The following ENTREP2 variants were observed in gnomAD, a reference collection of about 807,000 sequenced individuals.
ENTREP2 encodes protein ENTREP2.
At chr15:29,649,232 A>C in the ENTREP2 span, among the ~76,000 whole-genome samples, 1 of 152,220 alleles carries the variant, frequency 6.6e-6, no homozygotes, top group Non-Finnish European at 1.5e-5. Context: ...GAGGCATACA[A>C]TTAAAAGTTA....
At chr15:29,352,541 C>T in the ENTREP2 span, among the ~76,000 whole-genome samples, 140 of 152,272 alleles carry the variant, frequency 9.2e-4, no homozygotes, top group African/African-American at 2.9e-3. Flanking sequence ...CGGCTGCCTC[C>T]ACTCTTTCTT....
chr15:29,255,888 C>G, the ENTREP2 span, among the ~76,000 whole-genome samples: 26 of 151,836 alleles, frequency 1.7e-4, no homozygotes, highest in African/African-American at 6.3e-4. Context: ...GTAGTACCAG[C>G]TACTCGGGAT....
At chr15:29,485,245 T>G in the ENTREP2 span, among the ~76,000 whole-genome samples, 1 of 152,126 alleles carries the variant, frequency 6.6e-6, no homozygotes, top group Non-Finnish European at 1.5e-5. Flanking sequence ...AGGAAGGCCC[T>G]GTGGTGTTTT....
chr15:29,601,208 T>C, the ENTREP2 span, among the ~76,000 whole-genome samples: 1 of 150,436 alleles, frequency 6.6e-6, no homozygotes, highest in East Asian at 1.9e-4. Context: ...GATTTTTCAA[T>C]GATACGTTCT....
At chr15:29,314,974 C>T in the ENTREP2 span, among the ~76,000 whole-genome samples, 4 of 152,142 alleles carry the variant, frequency 2.6e-5, no homozygotes, top group Admixed American at 6.6e-5. Context: ...ATTGTTTGAG[C>T]CTGGCAGGCG....
chr15:29,443,068 A>G, the ENTREP2 span, among the ~76,000 whole-genome samples: 1 of 152,204 alleles, frequency 6.6e-6, no homozygotes, highest in Non-Finnish European at 1.5e-5. Flanking sequence ...GCTGAGATAC[A>G]GTGCAGATTT....
At chr15:29,314,220 C>G in the ENTREP2 span, among the ~76,000 whole-genome samples, 33,153 of 152,160 alleles carry the variant, frequency 0.22, 6,800 homozygotes, top group African/African-American at 0.55. Context: ...AAACTTAGTT[C>G]ATAAAGCAGC....
the ENTREP2 span, among the ~76,000 whole-genome samples, chr15:29,237,663 G>A: frequency 6.6e-6 from 1 of 152,130 alleles, no homozygotes; most frequent in South Asian, 2.1e-4. Context: ...GAAAAGAAAC[G>A]TTGGCAAGGA....
the ENTREP2 span, among the ~76,000 whole-genome samples, chr15:29,584,931 A>G: frequency 6.6e-6 from 1 of 152,204 alleles, no homozygotes; most frequent in South Asian, 2.1e-4. Flanking sequence ...TCTTAAATAT[A>G]TACAATTTTG....
the ENTREP2 span, among the ~76,000 whole-genome samples, chr15:29,451,096 A>T: frequency 6.6e-6 from 1 of 152,180 alleles, no homozygotes; most frequent in Non-Finnish European, 1.5e-5. Context: ...CTGAACCTAA[A>T]ATAAAGGTTA....
chr15:29,284,098 A>G, the ENTREP2 span, among the ~76,000 whole-genome samples: 2 of 152,168 alleles, frequency 1.3e-5, no homozygotes, highest in South Asian at 2.1e-4. Flanking sequence ...AGTATGAGAG[A>G]ATAAAAAAAG....
At chr15:29,219,652 T>C in the ENTREP2 span, among the ~76,000 whole-genome samples, 1 of 80,556 alleles carries the variant, frequency 1.2e-5, no homozygotes, top group Admixed American at 1.4e-4. Context: ...TATATATATA[T>C]ATATATATAT....
chr15:29,207,001 T>C, the ENTREP2 span, among the ~76,000 whole-genome samples: 1 of 152,164 alleles, frequency 6.6e-6, no homozygotes, highest in Non-Finnish European at 1.5e-5. Context: ...AACATAGACA[T>C]GCTCCGTAGG....
the ENTREP2 span, among the ~76,000 whole-genome samples, chr15:29,332,975 A>AG: frequency 6.6e-6 from 1 of 151,988 alleles, no homozygotes. Context: ...AAAAAAAAAA[A>AG]AAACCCTTTA....
At chr15:29,486,330 A>T in the ENTREP2 span, among the ~76,000 whole-genome samples, 7 of 152,178 alleles carry the variant, frequency 4.6e-5, no homozygotes, top group African/African-American at 1.7e-4. Context: ...TGTACGTATG[A>T]TATACTATTT....
At chr15:29,192,693 A>G in the ENTREP2 span, among the ~76,000 whole-genome samples, 2 of 152,246 alleles carry the variant, frequency 1.3e-5, no homozygotes, top group Non-Finnish European at 2.9e-5. Flanking sequence ...ACTAGGAATT[A>G]AAAACAGGCA....
chr15:29,254,161 C>CAAAAAAAAA, the ENTREP2 span, among the ~76,000 whole-genome samples: 3 of 61,334 alleles, frequency 4.9e-5, no homozygotes, highest in East Asian at 7.7e-4. Context: ...TGTTAAAGAG[C>CAAAAAAAAA]AAAAAAAAAA....
the ENTREP2 span, among the ~76,000 whole-genome samples, chr15:29,455,732 C>T: frequency 6.6e-6 from 1 of 152,178 alleles, no homozygotes; most frequent in East Asian, 1.9e-4. Context: ...GAGCAGTGGG[C>T]AAGTGAGCGA....
the ENTREP2 span, among the ~76,000 whole-genome samples, chr15:29,657,417 G>C: frequency 5.8e-3 from 748 of 129,364 alleles, 7 homozygotes; most frequent in African/African-American, 0.02. Context: ...CTATAAAGAA[G>C]CAAAGGACAA....
Sources: gnomAD v4.1 joint callset for allele counts (sites outside exome capture counted in the v4.1 genomes callset) on GRCh38, gnomAD v4.1.1 for gene constraint, MANE v1.5 for transcripts, NCBI Gene and HGNC (gene_info 2026-07-23, HGNC 2026-07-21) for gene names.